SHROOM4: variants seen among roughly 807,000 people sequenced by gnomAD.
SHROOM4 encodes protein Shroom4.
Under a neutral mutation model 80.3 loss-of-function variants are expected in SHROOM4, and 17 were observed. That is an observed-to-expected ratio of 0.21 (90% CI 0.14 to 0.32). The LOEUF (loss-of-function observed/expected upper bound fraction) is 0.32. Ranked by LOEUF, SHROOM4 falls within the 10% of genes least tolerant of loss-of-function variation. SHROOM4 has a pLI of 1.00. For missense variants in SHROOM4, 993 were observed against 1,140.3 expected (o/e 0.87, Z 1.86); for synonymous variants, 400 against 437.5 (o/e 0.91, Z 1.07).
At chrX:50,776,940 G>C (rs1466479056) in intron 1 of SHROOM4, among the ~76,000 whole-genome samples, 2 of 110,593 alleles carry the variant, frequency 1.8e-5, no homozygotes, top group African/African-American at 6.6e-5. Flanking sequence ...CTCCTGCCTC[G>C]GCCTCCCAAA....
In SHROOM4 at chrX:50,748,060, T is replaced by C. The variant is rs146875989; in HGVS notation, c.118-52123A>G. The stretch of plus-strand genomic sequence containing the variant: ...CTAAAGTGTCAAAACTGGAAGCTTA[T>C]ACTGATGAACTGAAAGAGGAGACTC... On this transcript the variant is annotated intron_variant, in intron 1 of 8. Transcript: ENST00000376020. Among the ~76,000 whole-genome samples the C allele has an allele frequency of 1.1e-4, 12 of 112,218 alleles. No homozygotes were observed. The East Asian group carries it at 3.4e-3, about 31-fold the overall frequency.
chrX:50,656,691 C>T (rs1224931085), intron 2 of SHROOM4, among the ~76,000 whole-genome samples: 1 of 109,703 alleles, frequency 9.1e-6, no homozygotes, highest in East Asian at 2.8e-4. Flanking sequence ...TATGATGCCT[C>T]CAGCTTTTTT....
At chrX:50,790,757 G>T (rs1256108056) in intron 1 of SHROOM4, among the ~76,000 whole-genome samples, 2 of 111,384 alleles carry the variant, frequency 1.8e-5, no homozygotes, top group Non-Finnish European at 3.8e-5. Flanking sequence ...TTCATAAAAA[G>T]CTCTCAACAA....
chrX:50,774,460 A>G (rs1287377364), intron 1 of SHROOM4, among the ~76,000 whole-genome samples: 5 of 111,436 alleles, frequency 4.5e-5, no homozygotes, highest in Non-Finnish European at 7.5e-5. Context: ...ACTTAAACTA[A>G]GCTTGCAGAG....
chrX:50,813,142 C>CGGCGGCGGCGGCGGCAGT (rs1301555508), intron 1 of SHROOM4, among the ~76,000 whole-genome samples: 7 of 90,811 alleles, frequency 7.7e-5, no homozygotes, highest in African/African-American at 1.9e-4. Context: ...ACCCTGGCGG[C>CGGCGGCGGCGGCGGCAGT]GGCGGCGGCG....
At chrX:50,740,914 T>A (rs1306867059) in intron 1 of SHROOM4, among the ~76,000 whole-genome samples, 1 of 111,965 alleles carries the variant, frequency 8.9e-6, no homozygotes, top group Non-Finnish European at 1.9e-5. Flanking sequence ...CTATATTTTA[T>A]GGTTTCAGGT....
chrX:50,784,572 A>C (rs1437796368), intron 1 of SHROOM4, among the ~76,000 whole-genome samples: 2 of 112,278 alleles, frequency 1.8e-5, no homozygotes, highest in African/African-American at 6.5e-5. Flanking sequence ...AACAAAACCC[A>C]AAAATCCCTT....
At chrX:50,686,064 GTC>G (rs1557262223) in intron 2 of SHROOM4, among the ~76,000 whole-genome samples, 5,536 of 110,881 alleles carry the variant, frequency 0.05, 355 homozygotes, top group African/African-American at 0.17. Flanking sequence ...GTCTGGCTCT[GTC>G]TTCCAGGCTG....
At chrX:50,772,781 C>G (rs943671578) in intron 1 of SHROOM4, among the ~76,000 whole-genome samples, 3 of 111,791 alleles carry the variant, frequency 2.7e-5, no homozygotes, top group African/African-American at 9.8e-5. Flanking sequence ...TTCCTCCATC[C>G]ATCCATCCAT....
intron 4 of SHROOM4, among the ~76,000 whole-genome samples, chrX:50,630,205 G>A (rs952390485): frequency 9.0e-6 from 1 of 110,696 alleles, no homozygotes; most frequent in East Asian, 2.8e-4. Flanking sequence ...GGCTGACACC[G>A]CTGCAGCCGT....
At position 50,675,144 on chromosome X, in the gene SHROOM4, G is replaced by A. The variant is rs1412511356; in HGVS notation, c.269+20642C>T. Reference sequence around the variant, plus strand: ...TCCATACGTTGTCATCATTTAGAGAGGGGAACAACACACACTGGGGCCTTT... The same window carrying A: ...TCCATACGTTGTCATCATTTAGAGAAGGGAACAACACACACTGGGGCCTTT... On this transcript the variant is annotated intron_variant, in intron 2 of 8. Coordinates refer to ENST00000376020, the MANE Select transcript of SHROOM4 (RefSeq NM_020717.5). Among the ~76,000 whole-genome samples the A allele has an allele frequency of 4.5e-5, 5 of 111,433 alleles. 1 individual carries two copies. The highest frequency in any genetic ancestry group is 1.6e-4 in the African/African-American group (5 of 30,686).
chrX:50,738,266 C>T (rs782540101), intron 1 of SHROOM4, among the ~76,000 whole-genome samples: 2 of 111,338 alleles, frequency 1.8e-5, no homozygotes, highest in South Asian at 7.7e-4. Context: ...TGAAAACTGG[C>T]ACAAGACAGG....
intron 1 of SHROOM4, among the ~76,000 whole-genome samples, chrX:50,713,409 T>C (rs1284247906): frequency 9.0e-6 from 1 of 110,617 alleles, no homozygotes; most frequent in African/African-American, 3.3e-5. Context: ...GGTGGGGGGA[T>C]TGCTTGAGCC....
intron 1 of SHROOM4, among the ~76,000 whole-genome samples, chrX:50,741,233 C>T (rs1464673272): frequency 1.8e-5 from 2 of 110,196 alleles, no homozygotes; most frequent in African/African-American, 6.6e-5. Context: ...AATCTAAAAA[C>T]TTGAATTCAT....
the SHROOM4 span, among the ~76,000 whole-genome samples, chrX:50,581,194 T>C: frequency 8.9e-6 from 1 of 112,355 alleles, no homozygotes; most frequent in Non-Finnish European, 1.9e-5. Context: ...GGCAGTGTGA[T>C]AGTACTTGGG....
At chrX:50,735,645 AACAG>A (rs1442000298) in intron 1 of SHROOM4, among the ~76,000 whole-genome samples, 2 of 111,861 alleles carry the variant, frequency 1.8e-5, no homozygotes, top group African/African-American at 6.5e-5. Flanking sequence ...ATGAAAAAAA[AACAG>A]ACAAAGGATA....
At chrX:50,739,191 T>G (rs1248790365) in intron 1 of SHROOM4, among the ~76,000 whole-genome samples, 3 of 110,871 alleles carry the variant, frequency 2.7e-5, no homozygotes, top group Non-Finnish European at 5.7e-5. Context: ...CAAGATGGAT[T>G]AAAGACTTAC....
At chrX:50,607,307 T>C in intron 6 of SHROOM4, 74 bp downstream of exon 6, 1 of 1,121,089 alleles carries the variant, frequency 8.9e-7, no homozygotes, top group Non-Finnish European at 1.2e-6. Flanking sequence ...ATCCAGTTAG[T>C]AAATAGTGGA....
intron 1 of SHROOM4, among the ~76,000 whole-genome samples, chrX:50,721,394 A>C (rs1334241127): frequency 4.4e-5 from 5 of 112,699 alleles, no homozygotes; most frequent in African/African-American, 1.6e-4. Context: ...ATGCTCAACA[A>C]CGGGTGGATT....
Sources: allele counts gnomAD v4.1 joint callset (sites outside exome capture counted in the v4.1 genomes callset), GRCh38; gene constraint gnomAD v4.1.1; transcripts MANE v1.5; gene names NCBI Gene and HGNC (gene_info 2026-07-23, HGNC 2026-07-21).